EDRF1: variants seen among roughly 807,000 people sequenced by gnomAD.
EDRF1 encodes erythroid differentiation regulatory factor 1.
EDRF1 carries 69 observed loss-of-function variants against 148.7 expected under a neutral mutation model. The observed-to-expected ratio is 0.46, with a 90% CI of 0.38 to 0.57. The LOEUF (loss-of-function observed/expected upper bound fraction) is 0.57. Among genes scored for constraint, EDRF1 ranks in the 20% least tolerant of loss-of-function variants. The probability of loss-of-function intolerance (pLI) is 0.00; values close to 1 mark genes in which losing one functional copy is unlikely to be tolerated. For missense variants in EDRF1, 1,118 were observed against 1,478.7 expected, an observed-to-expected ratio of 0.76 and a Z score of 4.00; for synonymous variants, 515 against 532.8, an observed-to-expected ratio of 0.97 and a Z score of 0.46.
chr10:125,763,988 T>C lies in EDRF1; in HGVS notation c.*516T>C, dbSNP rs1185382629. 6.1e-6 allele frequency: 1 copy of C among 163,262 alleles called. No homozygotes were observed. Among genetic ancestry groups the C allele is most frequent in the Admixed American group, 5.8e-5 (1 of 17,270 alleles). 10.1% of individuals were successfully genotyped at this position (163,262 alleles called of 1,614,324 possible). On this transcript the variant is annotated 3_prime_UTR_variant, in exon 25 of 25. Coordinates refer to ENST00000356792, the MANE Select transcript of EDRF1 (RefSeq NM_001202438.2). This position sits in a 1 kb window ranked among gnomAD's most constrained non-coding sequence, Gnocchi z 4.3. Reference sequence around the variant, plus strand: ...TTCAAAGACGAGCTGTTGTGCAATTTGCTGTATTTAATGCATGTTCTGAAA... The same window carrying C: ...TTCAAAGACGAGCTGTTGTGCAATTCGCTGTATTTAATGCATGTTCTGAAA...
At chr10:125,756,555 G>A (rs1244413889) in intron 24 of EDRF1, among the ~76,000 whole-genome samples, 6 of 152,152 alleles carry the variant, frequency 3.9e-5, no homozygotes, top group Non-Finnish European at 8.8e-5. Flanking sequence ...TACGCTTATG[G>A]ATTTATCTGT....
chr10:125,754,267 T>C (rs1849785872), intron 24 of EDRF1, among the ~76,000 whole-genome samples: 1 of 152,028 alleles, frequency 6.6e-6, no homozygotes. Context: ...TTCTGTCTTG[T>C]CTTCTATGTG....
intron 21 of EDRF1, 64 bp from the exon 22 acceptor site, chr10:125,749,348 G>A: frequency 3.2e-6 from 5 of 1,579,216 alleles, no homozygotes; most frequent in Non-Finnish European, 4.4e-6. Context: ...TAACTAAGAA[G>A]CACTTAGTGA....
Position 125,729,390 on chromosome 10 carries a change from A to T in EDRF1, c.927A>T (p.Leu309=), listed in dbSNP as rs189892465. 1 of 1,613,760 alleles carries T rather than the reference A, an allele frequency of 6.2e-7. No individual in the cohort carries two copies. The highest frequency in any genetic ancestry group is 2.2e-5 in the East Asian group (1 of 44,890). The change falls in exon 8 of 25, where the codon CTA becomes CTT. Residue 309 remains leucine (L), a synonymous_variant. Coordinates refer to ENST00000356792, the MANE Select transcript of EDRF1 (RefSeq NM_001202438.2). ...AAAATGATTTTGTTCGGAATATTCT[A>T]TGGACATTTGAAGATATCCATATGT... is the stretch of plus-strand genomic sequence containing the variant. The part of the protein sequence containing the change: ...GLKNDFVRNI[L]WTFEDIHMLV...
chr10:125,731,914 C>T (rs1848494209), intron 9 of EDRF1: 1 of 452,630 alleles, frequency 2.2e-6, no homozygotes, highest in Non-Finnish European at 4.5e-6. Context: ...GACTGAGGAT[C>T]AAGGAGCTCA....
At chr10:125,720,165 A>T (rs983261443) in intron 1 of EDRF1, among the ~76,000 whole-genome samples, 2 of 152,244 alleles carry the variant, frequency 1.3e-5, no homozygotes, top group African/African-American at 4.8e-5. Context: ...TGTCGTTCCA[A>T]AACGTGGCAC....
chr10:125,719,787 C>T lies in EDRF1; in HGVS notation c.-21C>T. On this transcript the variant is annotated 5_prime_UTR_variant, in exon 1 of 25. Transcript: ENST00000356792. ...CTGCTCCTCCGCTCCCCCGTCGTATCGCCTGCCCTGGATCGAAGTGATGGG... is the reference window on the plus strand; with the variant it reads ...CTGCTCCTCCGCTCCCCCGTCGTATTGCCTGCCCTGGATCGAAGTGATGGG... The T allele has an allele frequency of 6.2e-7, 1 of 1,600,226 alleles. No homozygotes were observed. The highest frequency in any genetic ancestry group is 8.5e-7 in the Non-Finnish European group (1 of 1,171,616).
Position 125,752,866 on chromosome 10 carries a change from G to C in EDRF1, c.3345G>C (p.Glu1115Asp), listed in dbSNP as rs775945579. 6.2e-7 allele frequency: 1 copy of C among 1,614,068 alleles called. No homozygotes were observed. Among genetic ancestry groups the C allele is most frequent in the Non-Finnish European group, 8.5e-7 (1 of 1,179,998 alleles). Reference protein sequence around the residue: ...SGALDIMVRTEHAFQLIQKEL... With the variant: ...SGALDIMVRTDHAFQLIQKEL... ...CTCTTGATATAATGGTGAGAACTGA[G>C]CACGCATTCCAGCTTATCCAGAAGG... Residue 1115 changes from glutamate to aspartate, a missense_variant, in exon 23 of 25, where the codon GAG (glutamate) becomes GAC (aspartate). By Grantham distance (45) the Glu-to-Asp change is conservative (BLOSUM62 2). This residue lies in a region of EDRF1 where 954 missense variants were observed against 1,241.4 expected (regional missense o/e 0.77). Coordinates refer to ENST00000356792, the MANE Select transcript of EDRF1 (RefSeq NM_001202438.2).
chr10:125,731,983 T>A, intron 9 of EDRF1: 2 of 406,820 alleles, frequency 4.9e-6, no homozygotes, highest in South Asian at 3.4e-5. Context: ...TGTGCCTCTC[T>A]CTGGCTGAGG....
chr10:125,734,035 A>G (rs1186635727), intron 11 of EDRF1, 37 bp from the exon 12 acceptor site: 2 of 1,508,038 alleles, frequency 1.3e-6, no homozygotes, highest in Non-Finnish European at 1.8e-6. Flanking sequence ...GACAACGATG[A>G]AATGGGCAGT....
Position 125,758,390 on chromosome 10 carries a change from C to T in EDRF1, c.3545+4545C>T, listed in dbSNP as rs1219780339. 3.3e-5 allele frequency among the ~76,000 whole-genome samples: 5 copies of T among 152,108 alleles called. No individual in the cohort carries two copies. The East Asian group carries it at 5.8e-4, about 18-fold the overall frequency. Reference sequence around the variant, plus strand: ...AGTATGTTGTTTTTTCCTTGCCTTCCGTATATCTCTTGTTTGTTGAAAACT... The same window carrying T: ...AGTATGTTGTTTTTTCCTTGCCTTCTGTATATCTCTTGTTTGTTGAAAACT... On this transcript the variant is annotated intron_variant, in intron 24 of 24. Transcript: ENST00000356792.
intron 24 of EDRF1, 144 bp downstream of exon 24, chr10:125,753,989 G>A (rs1161434039): frequency 4.8e-6 from 4 of 840,746 alleles, no homozygotes; most frequent in Non-Finnish European, 7.5e-6. Context: ...GCCAAGGCAG[G>A]CAGATCACTT....
chr10:125,737,954 G>A lies in EDRF1; in HGVS notation c.1795G>A (p.Glu599Lys), dbSNP rs1848822192. 6.2e-7 allele frequency: 1 copy of A among 1,613,868 alleles called. No homozygotes were observed. Among genetic ancestry groups the A allele is most frequent in the Non-Finnish European group, 8.5e-7 (1 of 1,179,928 alleles). Reference sequence around the variant, plus strand: ...ATTTCCAGTTTGCCATGACACAGAAGAGCGCTGTAGACTTGTGCTTAGCTA... The same window carrying A: ...ATTTCCAGTTTGCCATGACACAGAAAAGCGCTGTAGACTTGTGCTTAGCTA... Reference protein sequence around the residue: ...CAFPVCHDTEERCRLVLSYVL... With the variant: ...CAFPVCHDTEKRCRLVLSYVL... The change falls in exon 14 of 25, where the codon GAG becomes AAG. Residue 599 changes from glutamate (E) to lysine (K), a missense_variant. Around this residue, in one of 3 missense-constraint regions of EDRF1, gnomAD observed 954 missense variants for 1,241.4 expected, o/e 0.77. Coordinates refer to ENST00000356792, the MANE Select transcript of EDRF1 (RefSeq NM_001202438.2).
rs1420083610 is a variant in EDRF1 at position 125,753,677 on chromosome 10, C to G, written c.3394-17C>G. On this transcript the variant is annotated splice_polypyrimidine_tract_variant and intron_variant, in intron 23 of 24. Coordinates refer to ENST00000356792, the MANE Select transcript of EDRF1 (RefSeq NM_001202438.2). ...TTGTTGGATAGCTCGAGTAAAATAA[C>G]TTTTTGTTGTTTTTAGCCTAAGAGT... The G allele has an allele frequency of 2.5e-6, 4 of 1,614,002 alleles. No homozygotes were observed. The highest frequency in any genetic ancestry group is 1.7e-5 in the Admixed American group (1 of 59,998).
intron 13 of EDRF1, among the ~76,000 whole-genome samples, chr10:125,737,440 A>G (rs992568156): frequency 4.6e-5 from 7 of 152,184 alleles, no homozygotes; most frequent in South Asian, 2.1e-4. Context: ...CTGTCTGTGC[A>G]TGCTTCTCTT....
At chr10:125,725,258 T>A in intron 4 of EDRF1, 60 bp from the exon 5 acceptor site, 1 of 1,599,828 alleles carries the variant, frequency 6.3e-7, no homozygotes, top group East Asian at 2.2e-5. Context: ...AAGCTAGTAC[T>A]AGGTAACATT....
intron 24 of EDRF1, among the ~76,000 whole-genome samples, chr10:125,755,312 G>C (rs1849850530): frequency 6.6e-6 from 1 of 152,220 alleles, no homozygotes; most frequent in Admixed American, 6.5e-5. Flanking sequence ...TGATTCTTCA[G>C]ATGTTAAACC....
intron 16 of EDRF1, 62 bp from the exon 17 acceptor site, chr10:125,740,939 C>T: frequency 6.6e-7 from 1 of 1,516,072 alleles, no homozygotes; most frequent in Non-Finnish European, 9.1e-7. Context: ...CTTCATATTT[C>T]CTATGATCAT....
At chr10:125,761,106 C>A in intron 24 of EDRF1, 1 of 250,396 alleles carries the variant, frequency 4.0e-6, no homozygotes, top group Non-Finnish European at 7.9e-6. Context: ...CCACTTCATG[C>A]CCTCTGGCAA....
Sources: gnomAD v4.1 joint callset for allele counts (sites outside exome capture counted in the v4.1 genomes callset) on GRCh38, gnomAD v4.1.1 for gene constraint, gnomAD v4.1.1 regional missense constraint, Gnocchi (gnomAD v3.1) non-coding constraint, MANE v1.5 for transcripts, NCBI Gene and HGNC (gene_info 2026-07-23, HGNC 2026-07-21) for gene names.